Variants in NACAD observed in about 807,000 individuals in gnomAD.
NACAD encodes NAC alpha domain containing.
A neutral mutation model predicts 98.9 loss-of-function variants in NACAD; 47 were observed. The observed-to-expected ratio is 0.48, with a 90% CI of 0.38 to 0.61. NACAD has a LOEUF of 0.61. Among genes scored for constraint, NACAD ranks in the 20% least tolerant of loss-of-function variants. The probability of loss-of-function intolerance (pLI) is 0.00; values close to 1 mark genes in which losing one functional copy is unlikely to be tolerated. For missense variants in NACAD, 1,412 were observed against 1,748.2 expected, an observed-to-expected ratio of 0.81 and a Z score of 3.43; for synonymous variants, 696 against 767.2, an observed-to-expected ratio of 0.91 and a Z score of 1.53.
rs1006933473 is a variant in NACAD, at chr7:45,084,540, G to C, written c.1640C>G (p.Pro547Arg). 2.6e-5 allele frequency: 40 copies of C among 1,552,088 alleles called. No homozygotes were observed. The highest frequency in any genetic ancestry group is 4.1e-5 in the African/African-American group (3 of 73,038). The change falls in exon 2 of 8, where the codon CCA (proline) becomes CGA (arginine). Residue 547 changes from proline (P) to arginine (R), a missense_variant. Around this residue, in one of 5 missense-constraint regions of NACAD, gnomAD observed 638 missense variants for 722.7 expected, o/e 0.88. Transcript: ENST00000490531. ...GAGGCTTGTTTCTTCCTGTGGAGTTGGAAGTTTTTCTGCAGTGACAGACTC... is the reference window on the plus strand; with the variant it reads ...GAGGCTTGTTTCTTCCTGTGGAGTTCGAAGTTTTTCTGCAGTGACAGACTC... ...GQESVTAEKL[P>R]TPQEETSLTL...
At position 45,083,074 on chromosome 7, in the gene NACAD, C is replaced by A. The variant is rs1400408561; in HGVS notation, c.3106G>T (p.Gly1036Cys). 6.4e-7 allele frequency: 1 copy of A among 1,550,898 alleles called. No individual in the cohort carries two copies. The highest frequency in any genetic ancestry group is 8.7e-7 in the Non-Finnish European group (1 of 1,147,022). ...EALSLPEPAS[G>C]AGEEIAEALS... ...GCTTCTGCTATTTCCTCCCCAGCAC[C>A]AGAGGCCGGCTCAGGGAGACTGAGG... The change falls in exon 2 of 8, where the codon GGT becomes TGT. Residue 1036 changes from glycine (G) to cysteine (C), a missense_variant. Coordinates refer to ENST00000490531, the MANE Select transcript of NACAD (RefSeq NM_001146334.2).
Position 45,083,407 on chromosome 7 carries a change from G to C in NACAD, c.2773C>G (p.Pro925Ala), listed in dbSNP as rs1319651807. Reference sequence around the variant, plus strand: ...GGGCCTGTGTCTTGCAGAGGCAGAGGTGCTGTCATAGCGGAGTCCTGGGGT... The same window carrying C: ...GGGCCTGTGTCTTGCAGAGGCAGAGCTGCTGTCATAGCGGAGTCCTGGGGT... ...TLPQDSAMTA[P>A]LPLQDTGPTS... Residue 925 changes from proline to alanine, a missense_variant, in exon 2 of 8, where the codon CCT (proline) becomes GCT (alanine). Physicochemically the swap from Pro to Ala is conservative, Grantham distance 27. Coordinates refer to ENST00000490531, the MANE Select transcript of NACAD (RefSeq NM_001146334.2). 4 of 1,550,954 alleles carry C rather than the reference G, an allele frequency of 2.6e-6. No individual in the cohort carries two copies. The East Asian group carries it at 9.8e-5, about 38-fold the overall frequency.
Position 45,085,867 on chromosome 7 carries a change from G to A in NACAD, c.313C>T (p.Leu105=). Residue 105 remains leucine, a synonymous_variant, in exon 2 of 8, where the codon CTG becomes TTG. Transcript: ENST00000490531. This position sits in a 1 kb window ranked among gnomAD's most constrained non-coding sequence, Gnocchi z 6.1. ...GCCGGGAGAGGAGCCTCCGTGGACA[G>A]AGCCTGGGAAGACAGGCCCTCAGGG... ...LLPEGLSSQA[L]STEAPLPATL... is the part of the protein sequence containing the mutation. The A allele has an allele frequency of 6.5e-7, 1 of 1,547,062 alleles. No individual in the cohort carries two copies. The highest frequency in any genetic ancestry group is 8.7e-7 in the Non-Finnish European group (1 of 1,145,760).
intron 1 of NACAD, among the ~76,000 whole-genome samples, chr7:45,086,668 A>G (rs561915639): frequency 6.6e-6 from 1 of 152,338 alleles, no homozygotes; most frequent in Non-Finnish European, 1.5e-5. Flanking sequence ...CCAACATGTC[A>G]GGGTTTCACC....
chr7:45,081,879 G>A lies in NACAD; in HGVS notation c.4073-12C>T. 16 of 1,541,944 alleles carry A rather than the reference G, an allele frequency of 1.0e-5. No individual in the cohort carries two copies. Among genetic ancestry groups the A allele is most frequent in the Middle Eastern group, 2.2e-4 (1 of 4,582 alleles). On this transcript the variant is annotated splice_polypyrimidine_tract_variant and intron_variant, in intron 2 of 7. Coordinates refer to ENST00000490531, the MANE Select transcript of NACAD (RefSeq NM_001146334.2). ...GGCCCGAGGCGAGTCTGGGGAAGGG[G>A]AGAGGTGTGAGGATGGCCTTTTGCT...
rs1281163157 is a variant in NACAD, at chr7:45,082,771, G to T, written c.3409C>A (p.Pro1137Thr). The T allele has an allele frequency of 6.5e-7, 1 of 1,548,968 alleles. No homozygotes were observed. The highest frequency in any genetic ancestry group is 1.4e-5 in the African/African-American group (1 of 73,012). The change falls in exon 2 of 8, where the codon CCC becomes ACC. Residue 1137 changes from proline (P) to threonine (T), a missense_variant. This residue lies in a region of NACAD where 572 missense variants were observed against 639.6 expected (regional missense o/e 0.89). Transcript: ENST00000490531. The surrounding 1 kb of genome is among the most constrained non-coding windows in gnomAD (Gnocchi z 4.5). The part of the protein sequence containing the change: ...RGLSGKSTPE[P>T]TLPSAVATEA... ...GTGGCCACAGCTGAGGGAAGCGTGGGCTCCGGGGTGGACTTGCCACTCAGG... is the reference window on the plus strand; with the variant it reads ...GTGGCCACAGCTGAGGGAAGCGTGGTCTCCGGGGTGGACTTGCCACTCAGG...
In NACAD at chr7:45,082,716, G is replaced by A; in HGVS notation, c.3464C>T (p.Ser1155Phe). 6.5e-7 allele frequency: 1 copy of A among 1,528,254 alleles called. No homozygotes were observed. Among genetic ancestry groups the A allele is most frequent in the Non-Finnish European group, 8.8e-7 (1 of 1,135,826 alleles). The allele number at this position is 1,528,254 out of a possible 1,614,324, so 94.7% of individuals were successfully genotyped here. A position where few individuals can be genotyped will look rare whatever the true frequency, so the allele number is the denominator to read the frequency against. ...TEASLDSCPESSVGAVSSLDR... is the reference protein window; with the variant it reads ...TEASLDSCPEFSVGAVSSLDR... Reference sequence around the variant, plus strand: ...CAGACTGGACACAGCCCCTACTGAAGACTCTGGGCAGGAGTCCAGACTGGC... The same window carrying A: ...CAGACTGGACACAGCCCCTACTGAAAACTCTGGGCAGGAGTCCAGACTGGC... Residue 1155 changes from serine (S) to phenylalanine (F), a missense_variant, in exon 2 of 8, where the codon TCT (serine) becomes TTT (phenylalanine). By Grantham distance (155) the Ser-to-Phe change is radical (BLOSUM62 -2). Coordinates refer to ENST00000490531, the MANE Select transcript of NACAD (RefSeq NM_001146334.2). The surrounding 1 kb of genome is among the most constrained non-coding windows in gnomAD (Gnocchi z 4.5).
intron 1 of NACAD, 146 bp from the exon 2 acceptor site, chr7:45,086,258 G>T: frequency 3.4e-6 from 3 of 878,336 alleles, no homozygotes; most frequent in Non-Finnish European, 5.1e-6. Context: ...CCCTCTGCAC[G>T]CTGCGTTTGA....
At chr7:45,081,299 T>C (rs1177358153) in intron 4 of NACAD, 36 bp from the exon 5 acceptor site, 1 of 1,547,724 alleles carries the variant, frequency 6.5e-7, no homozygotes, top group Non-Finnish European at 8.7e-7. Flanking sequence ...TCAGACCTGG[T>C]GTTGACCCAC....
intron 3 of NACAD, 29 bp from the exon 4 acceptor site, chr7:45,081,701 T>C (rs1784432427): frequency 6.4e-7 from 1 of 1,551,152 alleles, no homozygotes; most frequent in African/African-American, 1.4e-5. Flanking sequence ...TGAGCATCCA[T>C]GGGTGGGGTG....
Position 45,080,716 on chromosome 7 carries a change from G to C in NACAD, c.4598C>G (p.Ala1533Gly). 1 of 1,551,068 alleles carries C rather than the reference G, an allele frequency of 6.4e-7. No individual in the cohort carries two copies. Among genetic ancestry groups the C allele is most frequent in the Non-Finnish European group, 8.7e-7 (1 of 1,146,960 alleles). The change falls in exon 7 of 8, where the codon GCG (alanine) becomes GGG (glycine). Residue 1533 changes from alanine (A) to glycine (G), a missense_variant. Ala to Gly is a moderately conservative substitution (Grantham distance 60, BLOSUM62 0). Around this residue, in one of 5 missense-constraint regions of NACAD, gnomAD observed 88 missense variants for 105.4 expected, o/e 0.84. Coordinates refer to ENST00000490531, the MANE Select transcript of NACAD (RefSeq NM_001146334.2). ...LELRDIELVM[A>G]QANVSRAKAV... The stretch of plus-strand genomic sequence containing the variant: ...CTTGGCCCTGGACACATTGGCCTGC[G>C]CCATCACCAGCTCAATGTCACGCAG...
Position 45,082,526 on chromosome 7 carries a change from G to A in NACAD, c.3654C>T (p.Ser1218=), listed in dbSNP as rs954380761. 11 of 1,549,502 alleles carry A rather than the reference G, an allele frequency of 7.1e-6. No homozygotes were observed. In the African/African-American group the frequency reaches 1.5e-4, roughly 21 times the overall value. The change falls in exon 2 of 8, where the codon AGC becomes AGT. Residue 1218 remains serine (S), a synonymous_variant. Transcript: ENST00000490531. The surrounding 1 kb of genome is among the most constrained non-coding windows in gnomAD (Gnocchi z 4.5). ...GGCCCAGGGGCCTGTCCACGGGCGT[G>A]CTGGGCTGACCCTTGGCAAGGTTTT... is the stretch of plus-strand genomic sequence containing the variant. The part of the protein sequence containing the change: ...PPENLAKGQP[S]TPVDRPLGPD...
At position 45,080,630 on chromosome 7, in the gene NACAD, GCTCA is replaced by G. The variant is rs1784413644; in HGVS notation, c.4674+6_4674+9del. 1 of 1,551,352 alleles carries G rather than the reference GCTCA, an allele frequency of 6.4e-7. No individual in the cohort carries two copies. On this transcript the variant is annotated splice_donor_region_variant and intron_variant, in intron 7 of 7. Coordinates refer to ENST00000490531, the MANE Select transcript of NACAD (RefSeq NM_001146334.2). Reference sequence around the variant, plus strand: ...CTCAGGGGTAGGGAAAGGGGCCAGTGCTCACTCACCATGATGGCGTTGACGATGT... The same window carrying G: ...CTCAGGGGTAGGGAAAGGGGCCAGTGCTCACCATGATGGCGTTGACGATGT...
chr7:45,081,922 G>A lies in NACAD; in HGVS notation c.4073-55C>T. 2.0e-6 allele frequency: 3 copies of A among 1,508,922 alleles called. No individual in the cohort carries two copies. In the South Asian group the frequency reaches 3.6e-5, roughly 18 times the overall value. The allele number at this position is 1,508,922 out of a possible 1,614,324, so 93.5% of individuals were successfully genotyped here. ...CTTTTGCTTCTAGGTGGCGGGGAAG[G>A]GGGTTCAGGACCCTGGCCCTGCTGC... On this transcript the variant is annotated intron_variant, in intron 2 of 7. Transcript: ENST00000490531.
chr7:45,082,455 G>T lies in NACAD; in HGVS notation c.3725C>A (p.Pro1242Gln). 2 of 1,549,000 alleles carry T rather than the reference G, an allele frequency of 1.3e-6. No homozygotes were observed. Among genetic ancestry groups the T allele is most frequent in the South Asian group, 1.2e-5 (1 of 83,996 alleles). Residue 1242 changes from proline to glutamine, a missense_variant, in exon 2 of 8, where the codon CCA becomes CAA. Physicochemically the swap from Pro to Gln is moderately conservative, Grantham distance 76 (BLOSUM62 -1). This residue lies in a region of NACAD where 572 missense variants were observed against 639.6 expected (regional missense o/e 0.89). Transcript: ENST00000490531. This position sits in a 1 kb window ranked among gnomAD's most constrained non-coding sequence, Gnocchi z 4.5. ...PGTLAGAALP[P>Q]LEPPAPCLCQ... is the part of the protein sequence containing the mutation. Reference sequence around the variant, plus strand: ...CAGGCAGGGGGCTGGGGGCTCCAGTGGGGGTAGGGCTGCCCCAGCAAGGGT... The same window carrying T: ...CAGGCAGGGGGCTGGGGGCTCCAGTTGGGGTAGGGCTGCCCCAGCAAGGGT...
In NACAD at chr7:45,085,673, G is replaced by A. The variant is rs1442860820; in HGVS notation, c.507C>T (p.Asp169=). 1 of 1,549,316 alleles carries A rather than the reference G, an allele frequency of 6.5e-7. No individual in the cohort carries two copies. The highest frequency in any genetic ancestry group is 8.7e-7 in the Non-Finnish European group (1 of 1,146,470). The change falls in exon 2 of 8, where the codon GAC becomes GAT. Residue 169 remains aspartate (D), a synonymous_variant. Transcript: ENST00000490531. The surrounding 1 kb of genome is among the most constrained non-coding windows in gnomAD (Gnocchi z 6.1). The part of the protein sequence containing the change: ...GDLSVPSPPP[D]PDSFFTPPST... The stretch of plus-strand genomic sequence containing the variant: ...AGGGAGGCGTGAAGAAGGAATCAGG[G>A]TCTGGGGGAGGGGAAGGCACAGAAA...
intron 1 of NACAD, among the ~76,000 whole-genome samples, chr7:45,087,029 T>A (rs2128641691): frequency 6.6e-6 from 1 of 152,278 alleles, no homozygotes; most frequent in South Asian, 2.1e-4. Flanking sequence ...CAGGCTTCAG[T>A]ATGAGGAGGC....
rs373948351 is a variant in NACAD, at chr7:45,081,179, C to T, written c.4342G>A (p.Ala1448Thr). 17 of 1,551,378 alleles carry T rather than the reference C, an allele frequency of 1.1e-5. No individual in the cohort carries two copies. The highest frequency in any genetic ancestry group is 1.3e-5 in the Non-Finnish European group (15 of 1,147,002). Residue 1448 changes from alanine to threonine, a missense_variant, in exon 5 of 8, where the codon GCC becomes ACC. Ala to Thr is a moderately conservative substitution (Grantham distance 58, BLOSUM62 0). Transcript: ENST00000490531. ...GGGCTCTTGAAGACATCAGGCTTGG[C>T]GATGACAAAGAGGATGTTCTTGGAC... is the stretch of plus-strand genomic sequence containing the variant. Reference protein sequence around the residue: ...QKSKNILFVIAKPDVFKSPAS... With the variant: ...QKSKNILFVITKPDVFKSPAS...
chr7:45,086,873 G>C (rs1784529937), intron 1 of NACAD, among the ~76,000 whole-genome samples: 1 of 152,222 alleles, frequency 6.6e-6, no homozygotes, highest in Non-Finnish European at 1.5e-5. Context: ...AGCTTCAGAG[G>C]GCCAACAGCA....
Sources: allele counts gnomAD v4.1 joint callset (sites outside exome capture counted in the v4.1 genomes callset), GRCh38; gene constraint gnomAD v4.1.1; regional missense constraint gnomAD v4.1.1; non-coding constraint Gnocchi (gnomAD v3.1); transcripts MANE v1.5; gene names NCBI Gene and HGNC (gene_info 2026-07-23, HGNC 2026-07-21).